Variants in CCDC102B observed in about 807,000 individuals in gnomAD.
CCDC102B encodes coiled-coil domain-containing protein 102B.
In CCDC102B, 75 loss-of-function variants were observed where a neutral mutation model predicts 57.4. That is an observed-to-expected ratio of 1.31 (90% confidence interval 1.08 to 1.58). The LOEUF is 1.58. Among genes scored for constraint, CCDC102B ranks in the 40% most tolerant of loss-of-function variants. The pLI, the probability that CCDC102B is intolerant of heterozygous loss-of-function variation, is 0.00. For missense variants in CCDC102B, 636 were observed against 582.6 expected, an observed-to-expected ratio of 1.09 and a Z score of -0.94; for synonymous variants, 206 against 201.9, an observed-to-expected ratio of 1.02 and a Z score of -0.17.
chr18:68,744,989 G>C (rs1026178437), intron 2 of CCDC102B, among the ~76,000 whole-genome samples: 1 of 152,084 alleles, frequency 6.6e-6, no homozygotes, highest in East Asian at 1.9e-4. Context: ...GTCCTGATGG[G>C]ACCATGGCAT....
intron 4 of CCDC102B, among the ~76,000 whole-genome samples, chr18:68,855,851 A>T (rs114380756): frequency 2.0e-4 from 31 of 152,264 alleles, no homozygotes; most frequent in African/African-American, 7.5e-4. Flanking sequence ...AATAAATTAA[A>T]TGGTGTAATT....
intron 1 of CCDC102B, among the ~76,000 whole-genome samples, chr18:68,822,178 G>A (rs558862279): frequency 2.3e-4 from 35 of 152,166 alleles, no homozygotes; most frequent in East Asian, 1.4e-3. Context: ...GGTGGATCAC[G>A]AGGTCAGGAG....
chr18:69,040,586 T>C (rs1398420384), intron 7 of CCDC102B, among the ~76,000 whole-genome samples: 1 of 152,008 alleles, frequency 6.6e-6, no homozygotes, highest in Non-Finnish European at 1.5e-5. Context: ...ACAGAAATTC[T>C]TGAATCGGTT....
At chr18:68,718,756 C>A (rs1462171583) in intron 2 of CCDC102B, among the ~76,000 whole-genome samples, 1 of 152,228 alleles carries the variant, frequency 6.6e-6, no homozygotes, top group Admixed American at 6.5e-5. Flanking sequence ...CCTAGAGAAT[C>A]TGACCCAGTG....
exon 2 of CCDC102B, chr18:68,716,567 T>C (rs530683221): frequency 6.6e-6 from 1 of 152,294 alleles, no homozygotes; most frequent in Non-Finnish European, 1.5e-5. Flanking sequence ...TATTGGAAAG[T>C]TTTTTTAATG....
chr18:68,832,402 G>T (rs911862508), intron 1 of CCDC102B, among the ~76,000 whole-genome samples: 19 of 152,146 alleles, frequency 1.2e-4, no homozygotes, highest in African/African-American at 3.1e-4. Flanking sequence ...GTTTATGATT[G>T]TTAGCAACAT....
chr18:68,912,471 A>G (rs1204600033), intron 6 of CCDC102B, among the ~76,000 whole-genome samples: 1 of 152,258 alleles, frequency 6.6e-6, no homozygotes, highest in African/African-American at 2.4e-5. Context: ...TCTGAGTCAG[A>G]AACTTTAGAT....
intron 1 of CCDC102B, among the ~76,000 whole-genome samples, chr18:68,828,693 A>T (rs2037015521): frequency 6.6e-6 from 1 of 151,602 alleles, no homozygotes; most frequent in Non-Finnish European, 1.5e-5. Context: ...TTAGAAAAAC[A>T]ATTCAAATAT....
chr18:68,780,587 T>C (rs938361754), intron 2 of CCDC102B, among the ~76,000 whole-genome samples: 2 of 152,138 alleles, frequency 1.3e-5, no homozygotes, highest in Non-Finnish European at 2.9e-5. Context: ...AAATCATTTG[T>C]TATGTTTTTA....
intron 6 of CCDC102B, among the ~76,000 whole-genome samples, chr18:69,010,642 T>C (rs1207978990): frequency 6.6e-6 from 1 of 152,228 alleles, no homozygotes; most frequent in Non-Finnish European, 1.5e-5. Context: ...TTTATGGTTA[T>C]GTGATTTCCT....
chr18:68,952,322 A>G (rs773194459), intron 6 of CCDC102B, among the ~76,000 whole-genome samples: 2 of 152,112 alleles, frequency 1.3e-5, no homozygotes, highest in African/African-American at 2.4e-5. Context: ...CATAATAATC[A>G]AATACATAAA....
At chr18:68,779,236 A>G (rs981726762) in intron 2 of CCDC102B, among the ~76,000 whole-genome samples, 8 of 152,166 alleles carry the variant, frequency 5.3e-5, no homozygotes, top group Non-Finnish European at 1.0e-4. Flanking sequence ...GAGCTGACAG[A>G]GCAGCAGGAA....
chr18:68,732,515 T>A (rs2032926177), intron 2 of CCDC102B, among the ~76,000 whole-genome samples: 1 of 151,978 alleles, frequency 6.6e-6, no homozygotes, highest in Non-Finnish European at 1.5e-5. Context: ...CAGCTAATTT[T>A]TTTTTATTTT....
chr18:68,972,987 A>G (rs2050340355), intron 6 of CCDC102B, among the ~76,000 whole-genome samples: 1 of 152,184 alleles, frequency 6.6e-6, no homozygotes, highest in African/African-American at 2.4e-5. Flanking sequence ...TTTAGAAAGA[A>G]CCACATATAT....
Position 69,010,976 on chromosome 18 carries a change from C to A in CCDC102B, c.1306C>A (p.Gln436Lys). The A allele has an allele frequency of 6.2e-7, 1 of 1,612,592 alleles. No individual in the cohort carries two copies. Among genetic ancestry groups the A allele is most frequent in the Non-Finnish European group, 8.5e-7 (1 of 1,179,096 alleles). ...LQHAYYKLNR[Q>K]YQANIAELTH... ...ACATGCCTACTATAAACTAAACAGA[C>A]AATACCAGGCAAATATTGCAGAACT... is the stretch of plus-strand genomic sequence containing the variant. The change falls in exon 7 of 8, where the codon CAA becomes AAA. Residue 436 changes from glutamine (Q) to lysine (K), a missense_variant. By Grantham distance (53) the Gln-to-Lys change is moderately conservative. Coordinates refer to ENST00000360242, the MANE Select transcript of CCDC102B (RefSeq NM_024781.3).
Position 68,738,993 on chromosome 18 carries a change from C to CTTTTTTTTTTTTTTTT in CCDC102B, c.-67+22403_-67+22404insTTTTTTTTTTTTTTTT, listed in dbSNP as rs201214278. 4.0e-3 allele frequency among the ~76,000 whole-genome samples: 582 copies of CTTTTTTTTTTTTTTTT among 144,884 alleles called. 27 individuals are homozygous for CTTTTTTTTTTTTTTTT. Among genetic ancestry groups the CTTTTTTTTTTTTTTTT allele is most frequent in the African/African-American group, 0.015 (557 of 37,850 alleles). ...GGCCATTGGACTGTAGATGAGCAGC[C>CTTTTTTTTTTTTTTTT]TTTTGTTTTTTTTTTTTTTAGACCA... On this transcript the variant is annotated intron_variant, in intron 2 of 3. Coordinates refer to the CCDC102B transcript ENST00000578970.
At chr18:68,976,222 T>A (rs1437338856) in intron 6 of CCDC102B, among the ~76,000 whole-genome samples, 2 of 152,034 alleles carry the variant, frequency 1.3e-5, no homozygotes, top group Non-Finnish European at 2.9e-5. Flanking sequence ...CTAACATTTT[T>A]ATGAATTTTC....
At chr18:68,776,123 T>C (rs1024446429) in intron 2 of CCDC102B, among the ~76,000 whole-genome samples, 1 of 152,216 alleles carries the variant, frequency 6.6e-6, no homozygotes, top group Non-Finnish European at 1.5e-5. Context: ...CTCTATTTCA[T>C]AGTTTCCATC....
At chr18:69,031,360 AACTT>A (rs1447683414) in intron 7 of CCDC102B, among the ~76,000 whole-genome samples, 5 of 151,864 alleles carry the variant, frequency 3.3e-5, no homozygotes, top group Non-Finnish European at 5.9e-5. Context: ...CCAATCATAA[AACTT>A]ACTTATTTTC....
Sources: allele counts gnomAD v4.1 joint callset (sites outside exome capture counted in the v4.1 genomes callset), GRCh38; gene constraint gnomAD v4.1.1; transcripts MANE v1.5; gene names NCBI Gene and HGNC (gene_info 2026-07-23, HGNC 2026-07-21).